CDK19: variants seen among roughly 807,000 people sequenced by gnomAD.
CDK19 encodes the protein cyclin dependent kinase 19.
In CDK19, 20 loss-of-function variants were observed where a neutral mutation model predicts 68.3. The observed-to-expected ratio is 0.29, with a 90% CI of 0.21 to 0.43. The LOEUF is 0.43. Among genes scored for constraint, CDK19 ranks in the 20% least tolerant of loss-of-function variants. The probability of loss-of-function intolerance (pLI) is 1.00; values close to 1 mark genes in which losing one functional copy is unlikely to be tolerated. For synonymous variants in CDK19, 221 were observed against 222.8 expected, an observed-to-expected ratio of 0.99 and a Z score of 0.07; for missense variants, 339 against 623.5, an observed-to-expected ratio of 0.54 and a Z score of 4.86.
chr6:110,790,709 C>T lies in CDK19; in HGVS notation c.128+24300G>A, dbSNP rs76513702. Among the ~76,000 whole-genome samples the T allele has an allele frequency of 8.4e-3, 1,272 of 152,214 alleles. 56 individuals are homozygous for T. In the East Asian group the frequency reaches 0.14, roughly 16 times the overall value. ...TTACATACTCTTTCCTATCCCTCTA[C>T]ATATTTCTACTTTAGAAAGTTCTCT... On this transcript the variant is annotated intron_variant, in intron 1 of 12. Coordinates refer to ENST00000368911, the MANE Select transcript of CDK19 (RefSeq NM_015076.5).
intron 4 of CDK19, among the ~76,000 whole-genome samples, chr6:110,658,974 C>T (rs879721648): frequency 2.0e-5 from 3 of 152,162 alleles, no homozygotes; most frequent in Non-Finnish European, 2.9e-5. Flanking sequence ...AATTACTTCT[C>T]AGTATTCCCC....
chr6:110,768,235 A>C (rs1178143068), intron 1 of CDK19, among the ~76,000 whole-genome samples: 1 of 152,190 alleles, frequency 6.6e-6, no homozygotes, highest in Non-Finnish European at 1.5e-5. Context: ...AACACTGACA[A>C]CATCAAATGC....
At chr6:110,640,252 A>AG (rs1445254880) in intron 4 of CDK19, among the ~76,000 whole-genome samples, 1 of 151,726 alleles carries the variant, frequency 6.6e-6, no homozygotes, top group Non-Finnish European at 1.5e-5. Context: ...AAAAAAAAAA[A>AG]AAAATCTGAA....
At chr6:110,670,294 A>G (rs2114441648) in intron 3 of CDK19, 137 bp downstream of exon 3, 1 of 490,216 alleles carries the variant, frequency 2.0e-6, no homozygotes, top group African/African-American at 2.0e-5. Flanking sequence ...CAAAATCAAC[A>G]TTTATGTTTA....
chr6:110,762,887 C>T (rs1190485188), intron 1 of CDK19, among the ~76,000 whole-genome samples: 6 of 152,130 alleles, frequency 3.9e-5, no homozygotes, highest in Non-Finnish European at 7.4e-5. Context: ...ATCTTTGTAG[C>T]CAATGTAATA....
Position 110,613,907 on chromosome 6 carries a change from T to C in CDK19, c.*628A>G, listed in dbSNP as rs1778152243. The C allele has an allele frequency of 6.6e-6, 1 of 152,644 alleles. No homozygotes were observed. The highest frequency in any genetic ancestry group is 1.5e-5 in the Non-Finnish European group (1 of 68,030). 9.5% of individuals were successfully genotyped at this position (152,644 alleles called of 1,614,324 possible). A position where few individuals can be genotyped will look rare whatever the true frequency, so the allele number is the denominator to read the frequency against. On this transcript the variant is annotated 3_prime_UTR_variant, in exon 13 of 13. Transcript: ENST00000368911. Reference sequence around the variant, plus strand: ...CATAAAGCACATAACTGCAAAGATCTAGGCAGTTTTTGGTTGTAGGTTCCC... The same window carrying C: ...CATAAAGCACATAACTGCAAAGATCCAGGCAGTTTTTGGTTGTAGGTTCCC...
chr6:110,767,321 T>C (rs1779665832), intron 1 of CDK19, among the ~76,000 whole-genome samples: 1 of 150,956 alleles, frequency 6.6e-6, no homozygotes, highest in Non-Finnish European at 1.5e-5. Flanking sequence ...AGAGTGACTA[T>C]AGTTAATAAT....
chr6:110,643,633 A>T (rs1297280901), intron 4 of CDK19, among the ~76,000 whole-genome samples: 1 of 152,214 alleles, frequency 6.6e-6, no homozygotes, highest in Admixed American at 6.5e-5. Flanking sequence ...GGCTCATGGA[A>T]CCCTACAGGT....
At chr6:110,723,712 C>A (rs955359990) in intron 2 of CDK19, among the ~76,000 whole-genome samples, 2 of 152,190 alleles carry the variant, frequency 1.3e-5, no homozygotes, top group Non-Finnish European at 2.9e-5. Context: ...CCTTTTTATA[C>A]TTCAGCTCTT....
intron 2 of CDK19, among the ~76,000 whole-genome samples, chr6:110,696,100 C>A (rs1773459924): frequency 6.6e-6 from 1 of 152,120 alleles, no homozygotes; most frequent in Admixed American, 6.6e-5. Flanking sequence ...ACATCCTCAA[C>A]AAAATACTAG....
In CDK19 at chr6:110,715,612, C is replaced by G. The variant is rs74422674; in HGVS notation, c.204+30514G>C. ...AAGCGATTCTCCTGCCTCAGTCCCCCGAGTACTTGAGATACAGGCGTGCGC... is the reference window on the plus strand; with the variant it reads ...AAGCGATTCTCCTGCCTCAGTCCCCGGAGTACTTGAGATACAGGCGTGCGC... On this transcript the variant is annotated intron_variant, in intron 2 of 12. Coordinates refer to ENST00000368911, the MANE Select transcript of CDK19 (RefSeq NM_015076.5). Among the ~76,000 whole-genome samples the G allele has an allele frequency of 7.2e-3, 1,103 of 152,188 alleles. 15 individuals are homozygous for G. The highest frequency in any genetic ancestry group is 0.025 in the African/African-American group (1,053 of 41,520).
intron 1 of CDK19, among the ~76,000 whole-genome samples, chr6:110,784,622 TTCCAC>T (rs1170746751): frequency 6.6e-6 from 1 of 152,118 alleles, no homozygotes; most frequent in Non-Finnish European, 1.5e-5. Flanking sequence ...TATGCTGCAA[TTCCAC>T]TCCTAGATAT....
At chr6:110,732,581 C>G (rs1776844697) in intron 2 of CDK19, among the ~76,000 whole-genome samples, 1 of 152,136 alleles carries the variant, frequency 6.6e-6, no homozygotes, top group Admixed American at 6.6e-5. Context: ...CTACCCTCAA[C>G]TCTTCCTTGC....
chr6:110,749,776 A>ATT (rs199678816), intron 1 of CDK19, among the ~76,000 whole-genome samples: 14 of 143,272 alleles, frequency 9.8e-5, no homozygotes, highest in East Asian at 4.0e-4. Flanking sequence ...TGACCACACT[A>ATT]TTTTTTTTTT....
In CDK19 at chr6:110,670,485, A is replaced by T. The variant is rs768515308; in HGVS notation, c.261T>A (p.Ser87=). ...NVIALQKVFL[S]HSDRKVWLLF... ...GCAGCCATACCTTCCTGTCACTGTG[A>T]GAAAGGAACACCTTCTGCAATGCAA... The change falls in exon 3 of 13, where the codon TCT becomes TCA. Residue 87 remains serine, a synonymous_variant. Coordinates refer to ENST00000368911, the MANE Select transcript of CDK19 (RefSeq NM_015076.5). The T allele has an allele frequency of 6.2e-7, 1 of 1,613,226 alleles. No homozygotes were observed. Among genetic ancestry groups the T allele is most frequent in the South Asian group, 1.1e-5 (1 of 91,076 alleles).
intron 8 of CDK19, 42 bp downstream of exon 8, chr6:110,626,734 T>A: frequency 8.5e-7 from 1 of 1,182,006 alleles, no homozygotes; most frequent in Non-Finnish European, 1.2e-6. Flanking sequence ...GGTATTTTTT[T>A]ATAGCAGCAC....
intron 1 of CDK19, among the ~76,000 whole-genome samples, chr6:110,795,411 G>A (rs1047233565): frequency 1.3e-5 from 2 of 152,186 alleles, no homozygotes; most frequent in Non-Finnish European, 2.9e-5. Context: ...TGTAAGACTG[G>A]TAAGATCTTT....
At chr6:110,752,825 C>T (rs1778564861) in intron 1 of CDK19, among the ~76,000 whole-genome samples, 1 of 152,098 alleles carries the variant, frequency 6.6e-6, no homozygotes, top group Non-Finnish European at 1.5e-5. Context: ...TCCTGGCCTC[C>T]CAAAGTACTG....
intron 2 of CDK19, among the ~76,000 whole-genome samples, chr6:110,727,267 C>G (rs1170152965): frequency 6.6e-6 from 1 of 152,002 alleles, no homozygotes; most frequent in Non-Finnish European, 1.5e-5. Context: ...CTTTCACTAA[C>G]TACCTATTTT....
Sources: gnomAD v4.1 joint callset for allele counts (sites outside exome capture counted in the v4.1 genomes callset) on GRCh38, gnomAD v4.1.1 for gene constraint, MANE v1.5 for transcripts, NCBI Gene and HGNC (gene_info 2026-07-23, HGNC 2026-07-21) for gene names.